DARS1: variants seen among roughly 807,000 people sequenced by gnomAD.
The protein encoded by DARS1 is aspartate--tRNA ligase, cytoplasmic.
In DARS1, 51 loss-of-function variants were observed where a neutral mutation model predicts 68.8. The observed-to-expected ratio is 0.74, with a 90% CI of 0.59 to 0.94. The LOEUF is 0.94. Among genes scored for constraint, DARS1 ranks in the 40% least tolerant of loss-of-function variants. DARS1 has a pLI of 0.00. For synonymous variants in DARS1, 203 were observed against 190.4 expected (o/e 1.07, Z -0.55); for missense variants, 607 against 597.3 (o/e 1.02, Z -0.17).
rs796900875 is a variant in DARS1, at chr2:135,917,879, T to A, written c.960-1507A>T. Among the ~76,000 whole-genome samples the A allele has an allele frequency of 5.3e-5, 8 of 152,230 alleles. No homozygotes were observed. In the East Asian group the frequency reaches 1.5e-3, roughly 29 times the overall value. ...AGCCATTGATTTATTAAAATCTTGATGTAAGAAGGGTTAAAAAGACCCCAT... is the reference window on the plus strand; with the variant it reads ...AGCCATTGATTTATTAAAATCTTGAAGTAAGAAGGGTTAAAAAGACCCCAT... On this transcript the variant is annotated intron_variant, in intron 10 of 15. Coordinates refer to ENST00000264161, the MANE Select transcript of DARS1 (RefSeq NM_001349.4).
At chr2:135,970,504 A>G (rs867868574) in intron 3 of DARS1, among the ~76,000 whole-genome samples, 6 of 152,058 alleles carry the variant, frequency 3.9e-5, no homozygotes, top group African/African-American at 1.2e-4. Flanking sequence ...GAGGAAAATT[A>G]TAAGTATCTA....
chr2:135,964,708 G>A (rs1005253706), intron 3 of DARS1, among the ~76,000 whole-genome samples: 2 of 151,916 alleles, frequency 1.3e-5, no homozygotes, highest in African/African-American at 4.8e-5. Flanking sequence ...GGGCGTGGTG[G>A]CAGGTGCCTG....
chr2:135,975,368 C>T (rs1326985587), intron 3 of DARS1, among the ~76,000 whole-genome samples: 1 of 151,506 alleles, frequency 6.6e-6, no homozygotes, highest in Non-Finnish European at 1.5e-5. Context: ...ACAAAAAAAA[C>T]CTATACGCAC....
At chr2:135,915,576 C>T (rs946212874) in intron 11 of DARS1, among the ~76,000 whole-genome samples, 1 of 152,172 alleles carries the variant, frequency 6.6e-6, no homozygotes, top group African/African-American at 2.4e-5. Flanking sequence ...CATGAGCCAC[C>T]ATGCCCAGCC....
chr2:135,933,942 C>T lies in DARS1; in HGVS notation c.472G>A (p.Asp158Asn), dbSNP rs377590155. Residue 158 changes from aspartate (D) to asparagine (N), a missense_variant, in exon 6 of 16, where the codon GAT (aspartate) becomes AAT (asparagine). By Grantham distance (23) the Asp-to-Asn change is conservative. Coordinates refer to ENST00000264161, the MANE Select transcript of DARS1 (RefSeq NM_001349.4). ...CCTTCTGCCTCAGGCCGAACAGCAT[C>T]ATCCAGCTGCAGGGGCAGACGGGGT... Reference protein sequence around the residue: ...AEPRLPLQLDDAVRPEAEGEE... With the variant: ...AEPRLPLQLDNAVRPEAEGEE... 1 of 1,613,622 alleles carries T rather than the reference C, an allele frequency of 6.2e-7. No individual in the cohort carries two copies. The highest frequency in any genetic ancestry group is 1.3e-5 in the African/African-American group (1 of 74,930).
At chr2:135,966,164 A>G (rs1391022396) in intron 3 of DARS1, among the ~76,000 whole-genome samples, 2 of 151,454 alleles carry the variant, frequency 1.3e-5, no homozygotes, top group African/African-American at 4.9e-5. Context: ...CTGTCTGTAA[A>G]TGTATTTTTT....
intron 3 of DARS1, among the ~76,000 whole-genome samples, chr2:135,971,251 G>C (rs2104842437): frequency 6.6e-6 from 1 of 152,302 alleles, no homozygotes; most frequent in South Asian, 2.1e-4. Context: ...TCGTGACCAA[G>C]TGGGATTTAT....
At chr2:135,964,615 C>T (rs1013287151) in intron 3 of DARS1, among the ~76,000 whole-genome samples, 15 of 151,978 alleles carry the variant, frequency 9.9e-5, no homozygotes, top group African/African-American at 3.1e-4. Flanking sequence ...CCGAGGTGGG[C>T]GGATCACTTG....
chr2:135,978,619 TGTCTAAATGATCCTAA>T (rs1682553749), intron 3 of DARS1, among the ~76,000 whole-genome samples: 1 of 152,240 alleles, frequency 6.6e-6, no homozygotes, highest in Non-Finnish European at 1.5e-5. Context: ...GAACAGGGTC[TGTCTAAATGATCCTAA>T]CGTTTCTTCT....
chr2:135,955,776 T>C (rs1207502520), intron 4 of DARS1, among the ~76,000 whole-genome samples: 1 of 132,226 alleles, frequency 7.6e-6, no homozygotes, highest in Non-Finnish European at 1.6e-5. Context: ...AACCTTCGCC[T>C]CCCAGGTAGC....
chr2:135,912,764 C>G (rs1003558973), intron 12 of DARS1, among the ~76,000 whole-genome samples, 198 bp from the exon 13 acceptor site: 1 of 151,702 alleles, frequency 6.6e-6, no homozygotes, highest in African/African-American at 2.4e-5. Context: ...TCTTGCAATA[C>G]CTAATTTTTA....
intron 2 of DARS1, among the ~76,000 whole-genome samples, chr2:135,982,734 G>T (rs1176523043): frequency 1.3e-5 from 2 of 152,164 alleles, no homozygotes; most frequent in Non-Finnish European, 1.5e-5. Context: ...AAAATGGAGT[G>T]GGGGTGGAGG....
At chr2:135,985,183 A>T in intron 1 of DARS1, 1 of 660,598 alleles carries the variant, frequency 1.5e-6, no homozygotes, top group Non-Finnish European at 2.4e-6. Context: ...ACACGCTTCT[A>T]GTAGGCCAAA....
At position 135,907,238 on chromosome 2, in the gene DARS1, C is replaced by CTTTG; in HGVS notation, c.*77_*78insCAAA. The stretch of plus-strand genomic sequence containing the variant: ...AGGTTACTGAAAAGAATAAGTGTGG[C>CTTTG]TTTCTTTTTTTTTTTTTTTTTTTGA... On this transcript the variant is annotated 3_prime_UTR_variant, in exon 16 of 16. Transcript: ENST00000264161. 1 of 724,940 alleles carries CTTTG rather than the reference C, an allele frequency of 1.4e-6. No homozygotes were observed. Among genetic ancestry groups the CTTTG allele is most frequent in the Non-Finnish European group, 2.0e-6 (1 of 491,690 alleles). 44.9% of individuals were successfully genotyped at this position (724,940 alleles called of 1,614,324 possible).
At chr2:135,920,004 C>A (rs899626146) in intron 10 of DARS1, among the ~76,000 whole-genome samples, 6 of 152,270 alleles carry the variant, frequency 3.9e-5, no homozygotes, top group Middle Eastern at 3.4e-3. Flanking sequence ...AATTAAATAA[C>A]CTGCACAAGG....
At chr2:135,938,280 T>A (rs1248430712) in intron 5 of DARS1, among the ~76,000 whole-genome samples, 1 of 152,224 alleles carries the variant, frequency 6.6e-6, no homozygotes, top group Non-Finnish European at 1.5e-5. Context: ...TTGATCAAAT[T>A]GGCTACTGAA....
chr2:135,907,242 C>CTTTTTTTGTTTTTTTTTTTTTTTTTT lies in DARS1; in HGVS notation c.*73_*74insAAAAAAAAAAAAAAAAAACAAAAAAA, dbSNP rs1680803174. Reference sequence around the variant, plus strand: ...TACTGAAAAGAATAAGTGTGGCTTTCTTTTTTTTTTTTTTTTTTTGAGGCA... The same window carrying CTTTTTTTGTTTTTTTTTTTTTTTTTT: ...TACTGAAAAGAATAAGTGTGGCTTTCTTTTTTTGTTTTTTTTTTTTTTTTTTTTTTTTTTTTTTTTTTTTTGAGGCA... On this transcript the variant is annotated 3_prime_UTR_variant, in exon 16 of 16. Transcript: ENST00000264161. 2.4e-6 allele frequency: 1 copy of CTTTTTTTGTTTTTTTTTTTTTTTTTT among 423,204 alleles called. No homozygotes were observed. Among genetic ancestry groups the CTTTTTTTGTTTTTTTTTTTTTTTTTT allele is most frequent in the African/African-American group, 2.9e-5 (1 of 34,932 alleles). 26.2% of individuals were successfully genotyped at this position (423,204 alleles called of 1,614,324 possible).
chr2:135,909,166 G>C (rs1680848057), intron 15 of DARS1, among the ~76,000 whole-genome samples: 1 of 152,132 alleles, frequency 6.6e-6, no homozygotes, highest in South Asian at 2.1e-4. Flanking sequence ...TTAGGAAAAA[G>C]AGCAATGCAT....
intron 5 of DARS1, 48 bp from the exon 6 acceptor site, chr2:135,934,038 C>T: frequency 6.3e-7 from 1 of 1,583,608 alleles, no homozygotes; most frequent in Non-Finnish European, 8.6e-7. Context: ...ACAAAATCTG[C>T]ATCTTTTTCT....
Sources: allele counts gnomAD v4.1 joint callset (sites outside exome capture counted in the v4.1 genomes callset), GRCh38; gene constraint gnomAD v4.1.1; transcripts MANE v1.5; gene names NCBI Gene and HGNC (gene_info 2026-07-23, HGNC 2026-07-21).